The following PRPF6 variants were observed in gnomAD, a reference collection of about 807,000 sequenced individuals.
The protein encoded by PRPF6 is pre-mRNA processing factor 6, also known as pre-mRNA-processing factor 6.
PRPF6 carries 42 observed loss-of-function variants against 118.3 expected under a neutral mutation model. The ratio of observed to expected loss-of-function variants is 0.35; its 90% confidence interval spans 0.28 to 0.46. The LOEUF (loss-of-function observed/expected upper bound fraction) is 0.46. Among genes scored for constraint, PRPF6 ranks in the 20% least tolerant of loss-of-function variants. The probability of loss-of-function intolerance (pLI) is 1.00; values close to 1 mark genes in which losing one functional copy is unlikely to be tolerated. For missense variants in PRPF6, 662 were observed against 1,255.7 expected (o/e 0.53, Z 7.15); for synonymous variants, 481 against 485.1 (o/e 0.99, Z 0.11).
chr20:63,993,226 A>ATGTGTGTGTGTG (rs61077852), intron 3 of PRPF6, among the ~76,000 whole-genome samples, 181 bp from the exon 4 acceptor site: 319 of 129,324 alleles, frequency 2.5e-3, no homozygotes, highest in Non-Finnish European at 3.2e-3. Context: ...AAAAAAAAAA[A>ATGTGTGTGTGTG]TGTGTGTGTG....
chr20:63,998,841 C>CA (rs543676271), intron 6 of PRPF6, among the ~76,000 whole-genome samples: 1,104 of 103,664 alleles, frequency 0.011, 5 homozygotes, highest in Middle Eastern at 0.014. Flanking sequence ...GACTCCATCT[C>CA]AAAAAAAAAA....
chr20:64,028,459 CG>C lies in PRPF6; in HGVS notation c.2340-14del. 1.9e-6 allele frequency: 3 copies of C among 1,613,584 alleles called. No homozygotes were observed. Among genetic ancestry groups the C allele is most frequent in the Non-Finnish European group, 2.5e-6 (3 of 1,179,844 alleles). On this transcript the variant is annotated intron_variant, in intron 17 of 20. Coordinates refer to ENST00000266079, the MANE Select transcript of PRPF6 (RefSeq NM_012469.4). The surrounding 1 kb of genome is among the most constrained non-coding windows in gnomAD (Gnocchi z 6.5). ...TGTTGGTAGACGGCTGTGGGACCTCCGGGGGCCTGTCTCCTCAGGTTGGAGT... is the reference window on the plus strand; with the variant it reads ...TGTTGGTAGACGGCTGTGGGACCTCCGGGGCCTGTCTCCTCAGGTTGGAGT...
At chr20:64,016,650 C>A in intron 11 of PRPF6, 73 bp from the exon 12 acceptor site, 6 of 1,586,086 alleles carry the variant, frequency 3.8e-6, no homozygotes, top group Non-Finnish European at 5.2e-6. Context: ...CGTTCAGGAA[C>A]TCCGTACTCC....
chr20:64,027,635 G>T lies in PRPF6; in HGVS notation c.2238G>T (p.Trp746Cys). 1 of 1,614,142 alleles carries T rather than the reference G, an allele frequency of 6.2e-7. No homozygotes were observed. Among genetic ancestry groups the T allele is most frequent in the Admixed American group, 1.7e-5 (1 of 60,024 alleles). The change falls in exon 17 of 21, where the codon TGG (tryptophan) becomes TGT (cysteine). Residue 746 changes from tryptophan to cysteine, a missense_variant. This residue lies in a region of PRPF6 where 244 missense variants were observed against 383.7 expected (regional missense o/e 0.64). Transcript: ENST00000266079. This position sits in a 1 kb window ranked among gnomAD's most constrained non-coding sequence, Gnocchi z 6.5. The part of the protein sequence containing the change: ...LKKCPHSTPL[W>C]LLLSRLEEKI... The stretch of plus-strand genomic sequence containing the variant: ...AGTGTCCCCACTCCACACCCCTGTG[G>T]CTTTTGCTCTCTCGGCTGGAGGAGA...
Position 64,027,764 on chromosome 20 carries a change from T to A in PRPF6, c.2339+28T>A, listed in dbSNP as rs779918057. Reference sequence around the variant, plus strand: ...GAGTCCTGGAGGGGGCAGCCTGGCCTCTGGGCACAGCTTCCCCATCAGGTG... The same window carrying A: ...GAGTCCTGGAGGGGGCAGCCTGGCCACTGGGCACAGCTTCCCCATCAGGTG... On this transcript the variant is annotated intron_variant, in intron 17 of 20. Coordinates refer to ENST00000266079, the MANE Select transcript of PRPF6 (RefSeq NM_012469.4). The surrounding 1 kb of genome is among the most constrained non-coding windows in gnomAD (Gnocchi z 6.5). The A allele has an allele frequency of 6.2e-6, 10 of 1,613,080 alleles. No individual in the cohort carries two copies. The highest frequency in any genetic ancestry group is 8.5e-6 in the Non-Finnish European group (10 of 1,179,912).
rs1165245480 is a variant in PRPF6 at position 63,995,060 on chromosome 20, G to A, written c.583G>A (p.Glu195Lys). The A allele has an allele frequency of 5.0e-6, 8 of 1,614,060 alleles. No individual in the cohort carries two copies. In the Admixed American group the frequency reaches 1.2e-4, roughly 24 times the overall value. Residue 195 changes from glutamate to lysine, a missense_variant, in exon 5 of 21, where the codon GAG (glutamate) becomes AAG (lysine). Physicochemically the swap from Glu to Lys is moderately conservative, Grantham distance 56. Transcript: ENST00000266079. The stretch of plus-strand genomic sequence containing the variant: ...CTTTGCCAAACATTTACAGACCGGA[G>A]AGAACCATACCTCAGTGGATCCCCG... Reference protein sequence around the residue: ...SFFAKHLQTGENHTSVDPRQT... With the variant: ...SFFAKHLQTGKNHTSVDPRQT...
intron 19 of PRPF6, among the ~76,000 whole-genome samples, chr20:64,031,522 A>G (rs1231978477): frequency 1.3e-5 from 2 of 151,902 alleles, no homozygotes; most frequent in African/African-American, 4.8e-5. Context: ...AAAATACAAA[A>G]ATTAGCCGGG....
At position 63,993,484 on chromosome 20, in the gene PRPF6, AG is replaced by A; in HGVS notation, c.438+1del. 1 of 1,609,562 alleles carries A rather than the reference AG, an allele frequency of 6.2e-7. No homozygotes were observed. Among genetic ancestry groups the A allele is most frequent in the Non-Finnish European group, 8.5e-7 (1 of 1,176,178 alleles). On this transcript the variant is annotated frameshift_variant and splice_region_variant, in exon 4 of 21. Coordinates refer to ENST00000266079, the MANE Select transcript of PRPF6 (RefSeq NM_012469.4). LOFTEE classifies it high-confidence loss of function. Reference sequence around the variant, plus strand: ...ATCCAACAGCAGTTCTCAGACCTCAAGGTGAGCCGATGAAGCGGTGAATGGT... The same window carrying A: ...ATCCAACAGCAGTTCTCAGACCTCAAGTGAGCCGATGAAGCGGTGAATGGT... The part of the protein sequence containing the change: ...PKIQQQFSDL[K>X]RKLAEVTEEE...
intron 8 of PRPF6, 43 bp downstream of exon 8, chr20:63,999,802 T>A: frequency 6.2e-7 from 1 of 1,609,292 alleles, no homozygotes; most frequent in Non-Finnish European, 8.5e-7. Flanking sequence ...GGCTGCGTGA[T>A]TGTGGCCCCT....
chr20:64,015,303 G>A (rs546412627), intron 11 of PRPF6, among the ~76,000 whole-genome samples: 1 of 152,320 alleles, frequency 6.6e-6, no homozygotes, highest in East Asian at 1.9e-4. Flanking sequence ...CACCTTTGCC[G>A]CAGGCCCCTG....
Position 64,027,026 on chromosome 20 carries a change from C to T in PRPF6, c.2073C>T (p.Ile691=), listed in dbSNP as rs763015318. Residue 691 remains isoleucine, a synonymous_variant, in exon 16 of 21, where the codon ATC becomes ATT. Transcript: ENST00000266079. The surrounding 1 kb of genome is among the most constrained non-coding windows in gnomAD (Gnocchi z 6.5). ...SVKLEWVQDN[I]RAAQDLCEEA... ...AGCTGGAGTGGGTGCAAGACAACAT[C>T]AGGGCAGCCCAAGATCTGTGCGAGG... The T allele has an allele frequency of 1.2e-5, 20 of 1,613,910 alleles. No homozygotes were observed. Among genetic ancestry groups the T allele is most frequent in the African/African-American group, 2.7e-5 (2 of 74,926 alleles).
chr20:64,028,403 A>G lies in PRPF6; in HGVS notation c.2340-75A>G. The G allele has an allele frequency of 6.7e-7, 1 of 1,497,962 alleles. No individual in the cohort carries two copies. Among genetic ancestry groups the G allele is most frequent in the Non-Finnish European group, 9.3e-7 (1 of 1,076,288 alleles). 92.8% of individuals were successfully genotyped at this position (1,497,962 alleles called of 1,614,324 possible). On this transcript the variant is annotated intron_variant, in intron 17 of 20. Coordinates refer to ENST00000266079, the MANE Select transcript of PRPF6 (RefSeq NM_012469.4). This position sits in a 1 kb window ranked among gnomAD's most constrained non-coding sequence, Gnocchi z 6.5. ...GACTGGGTGGAGAGCCCTTTCAGAC[A>G]AGGCTTCCCAGAAGCTACCAGAATA...
At chr20:63,987,223 A>G (rs561266823) in intron 3 of PRPF6, among the ~76,000 whole-genome samples, 4 of 149,184 alleles carry the variant, frequency 2.7e-5, no homozygotes, top group Admixed American at 2.0e-4. Context: ...AAAGCTATAT[A>G]CAGCTGGATG....
chr20:64,022,400 T>C (rs1432835708), intron 12 of PRPF6, among the ~76,000 whole-genome samples: 1 of 152,138 alleles, frequency 6.6e-6, no homozygotes, highest in Non-Finnish European at 1.5e-5. Flanking sequence ...CTTTGCCTTC[T>C]GGGTTCAAGT....
intron 3 of PRPF6, among the ~76,000 whole-genome samples, chr20:63,988,918 C>CA (rs2059106770): frequency 6.6e-6 from 1 of 151,404 alleles, no homozygotes; most frequent in South Asian, 2.1e-4. Context: ...TACATGGAGC[C>CA]AAAAAAGACC....
In PRPF6 at chr20:64,028,618, G is replaced by A; in HGVS notation, c.2431+49G>A. The A allele has an allele frequency of 6.3e-7, 1 of 1,598,442 alleles. No homozygotes were observed. Among genetic ancestry groups the A allele is most frequent in the Non-Finnish European group, 8.5e-7 (1 of 1,173,166 alleles). On this transcript the variant is annotated intron_variant, in intron 18 of 20. Transcript: ENST00000266079. This position sits in a 1 kb window ranked among gnomAD's most constrained non-coding sequence, Gnocchi z 6.5. ...TAAGGGGGTGCCCTGACTCCGGTAA[G>A]GGGGTGCCTTGACTCCGGTAAGGGG...
intron 6 of PRPF6, among the ~76,000 whole-genome samples, chr20:63,997,605 T>C (rs546617324): frequency 6.6e-6 from 1 of 152,086 alleles, no homozygotes; most frequent in South Asian, 2.1e-4. Context: ...TATAGGCGTG[T>C]GCCACCATGT....
Position 64,029,371 on chromosome 20 carries a change from TTA to T in PRPF6, c.2432-3_2432-2del. On this transcript the variant is annotated splice_region_variant and splice_polypyrimidine_tract_variant and intron_variant, in intron 18 of 20. Coordinates refer to ENST00000266079, the MANE Select transcript of PRPF6 (RefSeq NM_012469.4). This position sits in a 1 kb window ranked among gnomAD's most constrained non-coding sequence, Gnocchi z 4.8. ...CAAATCTTTGTTCTTTGTTTCTGAATTATAGGTATCCTGTGGTCTGAGGCCAT... is the reference window on the plus strand; with the variant it reads ...CAAATCTTTGTTCTTTGTTTCTGAATTAGGTATCCTGTGGTCTGAGGCCAT... 6.2e-7 allele frequency: 1 copy of T among 1,612,486 alleles called. No individual in the cohort carries two copies. Among genetic ancestry groups the T allele is most frequent in the Non-Finnish European group, 8.5e-7 (1 of 1,178,580 alleles).
At chr20:63,985,089 C>A in intron 3 of PRPF6, 64 bp downstream of exon 3, 3 of 1,308,782 alleles carry the variant, frequency 2.3e-6, no homozygotes, top group Non-Finnish European at 2.2e-6. Context: ...TGTGGCCAGG[C>A]GCAGTGGCTC....
Sources: allele counts gnomAD v4.1 joint callset (sites outside exome capture counted in the v4.1 genomes callset), GRCh38; gene constraint gnomAD v4.1.1; regional missense constraint gnomAD v4.1.1; non-coding constraint Gnocchi (gnomAD v3.1); transcripts MANE v1.5; gene names NCBI Gene and HGNC (gene_info 2026-07-23, HGNC 2026-07-21).